The following HOMER1 variants were observed in gnomAD, a reference collection of about 807,000 sequenced individuals.
HOMER1 encodes homer protein homolog 1.
Under a neutral mutation model 48.9 loss-of-function variants are expected in HOMER1, and 3 were observed. The ratio of observed to expected loss-of-function variants is 0.06; its 90% CI spans 0.03 to 0.16. The LOEUF is 0.16. Among genes scored for constraint, HOMER1 ranks in the 10% least tolerant of loss-of-function variants. The probability of loss-of-function intolerance (pLI) is 1.00; values close to 1 mark genes in which losing one functional copy is unlikely to be tolerated. For synonymous variants in HOMER1, 134 were observed against 146.4 expected, an observed-to-expected ratio of 0.92 and a Z score of 0.61; for missense variants, 247 against 411.4, an observed-to-expected ratio of 0.60 and a Z score of 3.46.
At chr5:79,413,446 A>AAT (rs1749860268) in intron 5 of HOMER1, among the ~76,000 whole-genome samples, 1 of 152,118 alleles carries the variant, frequency 6.6e-6, no homozygotes, top group Non-Finnish European at 1.5e-5. Context: ...AAACATTAAA[A>AAT]ATATATATAT....
intron 8 of HOMER1, among the ~76,000 whole-genome samples, chr5:79,394,525 T>A (rs1749331706): frequency 6.6e-6 from 1 of 152,234 alleles, no homozygotes; most frequent in Non-Finnish European, 1.5e-5. Flanking sequence ...ATATTCACAA[T>A]TTCAAGTGCC....
chr5:79,389,163 G>A (rs957951174), intron 8 of HOMER1, among the ~76,000 whole-genome samples: 11 of 151,930 alleles, frequency 7.2e-5, no homozygotes, highest in African/African-American at 2.2e-4. Context: ...ACAAAACAAG[G>A]CAATAATGGA....
At chr5:79,379,353 T>C (rs1438772355) in intron 8 of HOMER1, among the ~76,000 whole-genome samples, 1 of 106,744 alleles carries the variant, frequency 9.4e-6, no homozygotes, top group Non-Finnish European at 1.8e-5. Context: ...TTTTATATAT[T>C]ATATAAATAT....
At chr5:79,472,163 A>G (rs1394601716) in intron 1 of HOMER1, among the ~76,000 whole-genome samples, 1 of 152,208 alleles carries the variant, frequency 6.6e-6, no homozygotes, top group Non-Finnish European at 1.5e-5. Flanking sequence ...TTTCTGGCAC[A>G]TATTAGATAT....
intron 1 of HOMER1, among the ~76,000 whole-genome samples, chr5:79,476,401 T>A (rs1358754960): frequency 6.6e-6 from 1 of 152,130 alleles, no homozygotes; most frequent in Non-Finnish European, 1.5e-5. Context: ...TAATTTAATT[T>A]TGACACTCTA....
chr5:79,457,624 C>CAGTT (rs762770320), intron 1 of HOMER1, among the ~76,000 whole-genome samples: 3 of 152,118 alleles, frequency 2.0e-5, no homozygotes, highest in Non-Finnish European at 4.4e-5. Context: ...TGTTGGCCAT[C>CAGTT]AGTTCAATGT....
rs906844982 is a variant in HOMER1, at chr5:79,512,798, G to T, written c.-24C>A. The T allele has an allele frequency of 6.2e-7, 1 of 1,612,720 alleles. No individual in the cohort carries two copies. ...ATTTTGCCCAATGAAAACTTGCTCT[G>T]AAGTTTCAGCTCTTATGCTACGGAA... is the stretch of plus-strand genomic sequence containing the variant. On this transcript the variant is annotated 5_prime_UTR_variant, in exon 1 of 9. Transcript: ENST00000334082.
intron 5 of HOMER1, among the ~76,000 whole-genome samples, chr5:79,419,919 A>G (rs375530004): frequency 6.6e-6 from 1 of 152,340 alleles, no homozygotes; most frequent in African/African-American, 2.4e-5. Flanking sequence ...ACAAATTTCT[A>G]TACAATTTGG....
chr5:79,386,932 CCCTT>C (rs373514856), intron 8 of HOMER1, among the ~76,000 whole-genome samples: 2,987 of 122,946 alleles, frequency 0.024, 92 homozygotes, highest in African/African-American at 0.083. Flanking sequence ...CTCCTCCCCT[CCCTT>C]CCTTCCTTCC....
intron 1 of HOMER1, among the ~76,000 whole-genome samples, chr5:79,500,930 TG>T (rs1752560583): frequency 7.3e-5 from 8 of 110,178 alleles, no homozygotes; most frequent in African/African-American, 3.2e-4. Flanking sequence ...CAGCCATTTG[TG>T]TGTGTGTGTG....
At chr5:79,454,451 G>C (rs1027127096) in intron 2 of HOMER1, among the ~76,000 whole-genome samples, 3 of 151,296 alleles carry the variant, frequency 2.0e-5, no homozygotes, top group Admixed American at 6.6e-5. Flanking sequence ...TTCAAATAAG[G>C]GAAAAGAAAT....
chr5:79,454,965 G>A (rs535649655), intron 2 of HOMER1, among the ~76,000 whole-genome samples: 2 of 152,134 alleles, frequency 1.3e-5, no homozygotes, highest in Non-Finnish European at 2.9e-5. Flanking sequence ...GAAAACTGAG[G>A]CATACAGTTT....
At chr5:79,506,822 A>G (rs1333542581) in intron 1 of HOMER1, among the ~76,000 whole-genome samples, 1 of 150,910 alleles carries the variant, frequency 6.6e-6, no homozygotes, top group Non-Finnish European at 1.5e-5. Flanking sequence ...GGGCCACTGC[A>G]CTGTCTCAAA....
At chr5:79,412,953 G>T (rs2112236221) in intron 5 of HOMER1, among the ~76,000 whole-genome samples, 1 of 152,292 alleles carries the variant, frequency 6.6e-6, no homozygotes, top group African/African-American at 2.4e-5. Flanking sequence ...AAGATATAAG[G>T]AGGAATCAAA....
At chr5:79,433,833 A>T (rs1022321347) in intron 5 of HOMER1, among the ~76,000 whole-genome samples, 32 of 152,152 alleles carry the variant, frequency 2.1e-4, no homozygotes, top group African/African-American at 7.7e-4. Flanking sequence ...TTGTGATAAA[A>T]CTGTAGTTAT....
rs1170471382 is a variant in HOMER1, at chr5:79,396,872, T to C, written c.827A>G (p.Asn276Ser). The C allele has an allele frequency of 6.2e-7, 1 of 1,602,724 alleles. No homozygotes were observed. The highest frequency in any genetic ancestry group is 2.2e-5 in the East Asian group (1 of 44,616). The part of the protein sequence containing the change: ...EIERLKQEID[N>S]ARELQEQRDS... ...CCTCTGTTCTTGTAGTTCTCTGGCA[T>C]TATCAATTTCTTGTTTTAACCTTTC... The change falls in exon 8 of 9, where the codon AAT becomes AGT. Residue 276 changes from asparagine to serine, a missense_variant. Physicochemically the swap from Asn to Ser is conservative, Grantham distance 46. Around this residue, in one of 4 missense-constraint regions of HOMER1, gnomAD observed 113 missense variants for 152.5 expected, o/e 0.74. Transcript: ENST00000334082.
chr5:79,482,535 GA>G (rs1006997008), intron 1 of HOMER1, among the ~76,000 whole-genome samples: 1 of 149,634 alleles, frequency 6.7e-6, no homozygotes, highest in Non-Finnish European at 1.5e-5. Context: ...AGGCATTACA[GA>G]AAAAAAAGGA....
chr5:79,436,582 C>G (rs1265011196), intron 5 of HOMER1, among the ~76,000 whole-genome samples: 1 of 152,224 alleles, frequency 6.6e-6, no homozygotes, highest in Non-Finnish European at 1.5e-5. Context: ...ACTACTGAAA[C>G]AGTTTCTACC....
At chr5:79,406,957 G>C (rs916680769) in intron 5 of HOMER1, among the ~76,000 whole-genome samples, 2 of 152,134 alleles carry the variant, frequency 1.3e-5, no homozygotes, top group African/African-American at 2.4e-5. Flanking sequence ...CCATTCTGTC[G>C]TCTATTATAG....
Sources: allele counts gnomAD v4.1 joint callset (sites outside exome capture counted in the v4.1 genomes callset), GRCh38; gene constraint gnomAD v4.1.1; regional missense constraint gnomAD v4.1.1; transcripts MANE v1.5; gene names NCBI Gene and HGNC (gene_info 2026-07-23, HGNC 2026-07-21).